The following ANKRD24 variants were observed in gnomAD, a reference collection of about 807,000 sequenced individuals.
ANKRD24 encodes the protein ankyrin repeat domain-containing protein 24.
In ANKRD24, 109 loss-of-function variants were observed where a neutral mutation model predicts 127.8. That is an observed-to-expected ratio of 0.85 (90% confidence interval 0.73 to 1.00). ANKRD24 has a LOEUF of 1.00. Ranked by LOEUF, ANKRD24 falls within the 50% of genes least tolerant of loss-of-function variation. The pLI is 0.00. For missense variants in ANKRD24, 1,648 were observed against 1,570.2 expected (o/e 1.05, Z -0.84); for synonymous variants, 743 against 671.1 (o/e 1.11, Z -1.66).
Position 4,224,710 on chromosome 19 carries a change from G to A in ANKRD24, c.*205G>A. On this transcript the variant is annotated 3_prime_UTR_variant, in exon 22 of 22. Coordinates refer to ENST00000318934, the MANE Select transcript of ANKRD24 (RefSeq NM_001393985.1). ...TCTGCACGCACACACTGGTCAGTCT[G>A]GACCCGGGCCGTGACTGCCCCTCCC... 1 of 591,784 alleles carries A rather than the reference G, an allele frequency of 1.7e-6. No individual in the cohort carries two copies. The highest frequency in any genetic ancestry group is 2.0e-5 in the South Asian group (1 of 49,170). The allele number at this position is 591,784 out of a possible 1,614,324, so 36.7% of individuals were successfully genotyped here.
chr19:4,190,824 T>A (rs930066946), intron 2 of ANKRD24, among the ~76,000 whole-genome samples: 2 of 152,204 alleles, frequency 1.3e-5, no homozygotes, highest in Non-Finnish European at 2.9e-5. Context: ...ATGCTTTTTT[T>A]CCCCAAGCAT....
At chr19:4,215,046 C>T (rs1348268154) in intron 15 of ANKRD24, among the ~76,000 whole-genome samples, 2 of 152,196 alleles carry the variant, frequency 1.3e-5, no homozygotes, top group Non-Finnish European at 2.9e-5. Context: ...CAGCCTGCCC[C>T]GAGTCCCCTC....
At chr19:4,216,262 C>T (rs1327517250) in intron 16 of ANKRD24, 22 bp from the exon 17 acceptor site, 1 of 1,550,200 alleles carries the variant, frequency 6.5e-7, no homozygotes, top group Non-Finnish European at 8.7e-7. Flanking sequence ...TCCCCAGGGC[C>T]TGACTCTGCG....
chr19:4,217,395 G>A lies in ANKRD24; in HGVS notation c.2235G>A (p.Ala745=), dbSNP rs1342090374. 1.9e-5 allele frequency: 30 copies of A among 1,550,026 alleles called. No homozygotes were observed. The highest frequency in any genetic ancestry group is 4.9e-5 in the East Asian group (2 of 40,926). The change falls in exon 18 of 22, where the codon GCG becomes GCA. Residue 745 remains alanine (A), a synonymous_variant. Coordinates refer to ENST00000318934, the MANE Select transcript of ANKRD24 (RefSeq NM_001393985.1). The part of the protein sequence containing the change: ...ALRQREREAA[A]ELEAALGKCE... ...GGCAGCGGGAGCGGGAGGCAGCTGC[G>A]GAGCTGGAGGCGGCCCTGGGGAAGT... is the stretch of plus-strand genomic sequence containing the variant.
chr19:4,203,408 G>C (rs746829555), intron 7 of ANKRD24, among the ~76,000 whole-genome samples: 1 of 151,550 alleles, frequency 6.6e-6, no homozygotes, highest in Non-Finnish European at 1.5e-5. Flanking sequence ...GTACAGTGGG[G>C]CAATCATGGC....
chr19:4,210,472 C>G (rs1459878761), intron 13 of ANKRD24, 100 bp downstream of exon 13: 3 of 1,056,212 alleles, frequency 2.8e-6, no homozygotes, highest in Non-Finnish European at 4.1e-6. Context: ...TCCTCCATCT[C>G]TCTCCCTCCC....
intron 19 of ANKRD24, among the ~76,000 whole-genome samples, chr19:4,222,173 G>A (rs1218405919): frequency 6.6e-6 from 1 of 152,222 alleles, no homozygotes; most frequent in Non-Finnish European, 1.5e-5. Flanking sequence ...TGGATCACCT[G>A]AGGTCAGGAG....
chr19:4,186,878 A>G (rs181043421), intron 2 of ANKRD24, among the ~76,000 whole-genome samples: 15 of 152,368 alleles, frequency 9.8e-5, no homozygotes, highest in Admixed American at 2.0e-4. Flanking sequence ...TTCCAGGCAC[A>G]GGGGAATCAG....
intron 20 of ANKRD24, among the ~76,000 whole-genome samples, chr19:4,223,401 ATTTTTT>A (rs1173862080): frequency 5.1e-4 from 27 of 53,316 alleles, no homozygotes; most frequent in African/African-American, 2.3e-3. Flanking sequence ...ATATATATAT[ATTTTTT>A]TTTTTTTTTT....
chr19:4,218,118 G>A lies in ANKRD24; in HGVS notation c.2958G>A (p.Glu986=), dbSNP rs1403571053. The change falls in exon 18 of 22, where the codon GAG becomes GAA. Residue 986 remains glutamate (E), a synonymous_variant. Transcript: ENST00000318934. ...TGGCCCAGCTGGAGGGGCAGCTGGAGGAGCTGGGACGGCGGCATGAGAAGA... is the reference window on the plus strand; with the variant it reads ...TGGCCCAGCTGGAGGGGCAGCTGGAAGAGCTGGGACGGCGGCATGAGAAGA... ...ANVAQLEGQL[E]ELGRRHEKTS... 1.3e-6 allele frequency: 2 copies of A among 1,542,702 alleles called. No individual in the cohort carries two copies. The highest frequency in any genetic ancestry group is 2.0e-5 in the Admixed American group (1 of 50,346).
Position 4,217,430 on chromosome 19 carries a change from C to T in ANKRD24, c.2270C>T (p.Ala757Val), listed in dbSNP as rs768271662. Reference protein sequence around the residue: ...LEAALGKCEAAEAEAGRLRER... With the variant: ...LEAALGKCEAVEAEAGRLRER... ...GCGGCCCTGGGGAAGTGCGAGGCCG[C>T]GGAGGCCGAGGCAGGCCGGCTGCGA... Residue 757 changes from alanine (A) to valine (V), a missense_variant, in exon 18 of 22, where the codon GCG (alanine) becomes GTG (valine). By Grantham distance (64) the Ala-to-Val change is moderately conservative. Transcript: ENST00000318934. 8.4e-6 allele frequency: 13 copies of T among 1,541,674 alleles called. No individual in the cohort carries two copies. The highest frequency in any genetic ancestry group is 8.4e-5 in the South Asian group (7 of 83,338).
chr19:4,208,870 G>A, intron 11 of ANKRD24, 69 bp downstream of exon 11: 4 of 1,522,168 alleles, frequency 2.6e-6, no homozygotes, highest in Non-Finnish European at 3.6e-6. Flanking sequence ...CCTGCCCCAA[G>A]CTCTGTGAGA....
chr19:4,193,288 C>CGA (rs56361493), intron 2 of ANKRD24, among the ~76,000 whole-genome samples: 102,272 of 127,564 alleles, frequency 0.8, 41,677 homozygotes, highest in Middle Eastern at 0.88. Context: ...GGCAATAGAG[C>CGA]GACTCCATCA....
intron 5 of ANKRD24, among the ~76,000 whole-genome samples, chr19:4,200,780 C>T (rs761561054): frequency 1.2e-4 from 19 of 152,106 alleles, no homozygotes; most frequent in Non-Finnish European, 2.8e-4. Context: ...ACCTCAGACT[C>T]CCAAAGTGCT....
chr19:4,208,724 T>G (rs772621169), intron 10 of ANKRD24, 40 bp from the exon 11 acceptor site: 2 of 1,602,964 alleles, frequency 1.2e-6, no homozygotes, highest in African/African-American at 2.7e-5. Flanking sequence ...TTCCTGGGCC[T>G]GGGAACAGAA....
At position 4,208,818 on chromosome 19, in the gene ANKRD24, A is replaced by T. The variant is rs755701005; in HGVS notation, c.870+17A>T. The stretch of plus-strand genomic sequence containing the variant: ...TCATCTCAGGTATGGACCCCTAAGC[A>T]GTGAAGGAGCCCCTCCTCCCTGCAT... On this transcript the variant is annotated intron_variant, in intron 11 of 21. Coordinates refer to ENST00000318934, the MANE Select transcript of ANKRD24 (RefSeq NM_001393985.1). The T allele has an allele frequency of 6.2e-7, 1 of 1,611,270 alleles. No individual in the cohort carries two copies. The highest frequency in any genetic ancestry group is 8.5e-7 in the Non-Finnish European group (1 of 1,178,336).
intron 7 of ANKRD24, among the ~76,000 whole-genome samples, chr19:4,205,868 T>C (rs1006176661): frequency 6.8e-6 from 1 of 147,728 alleles, no homozygotes; most frequent in Non-Finnish European, 1.5e-5. Flanking sequence ...ATAGGTCGGG[T>C]GCGGTGGCTC....
chr19:4,194,998 C>T (rs550515246), intron 2 of ANKRD24, among the ~76,000 whole-genome samples: 15 of 152,054 alleles, frequency 9.9e-5, no homozygotes, highest in Admixed American at 4.6e-4. Context: ...GATGGAGTCT[C>T]GCTGTGTCTC....
chr19:4,205,455 C>T (rs115658124), intron 7 of ANKRD24, among the ~76,000 whole-genome samples: 2,543 of 152,246 alleles, frequency 0.017, 69 homozygotes, highest in African/African-American at 0.058. Context: ...CCAGGGATTC[C>T]AGAGACCATG....
Sources: allele counts gnomAD v4.1 joint callset (sites outside exome capture counted in the v4.1 genomes callset), GRCh38; gene constraint gnomAD v4.1.1; transcripts MANE v1.5; gene names NCBI Gene and HGNC (gene_info 2026-07-23, HGNC 2026-07-21).